KCNJ4: variants seen among roughly 807,000 people sequenced by gnomAD.
The protein encoded by KCNJ4 is potassium inwardly rectifying channel subfamily J member 4.
Under a neutral mutation model 25.6 loss-of-function variants are expected in KCNJ4, and 3 were observed. That is an observed-to-expected ratio of 0.12 (90% CI 0.05 to 0.30). The LOEUF (loss-of-function observed/expected upper bound fraction) is 0.30, where lower values mean the gene tolerates loss of function less well. Among genes scored for constraint, KCNJ4 ranks in the 10% least tolerant of loss-of-function variants. The pLI, the probability that KCNJ4 is intolerant of heterozygous loss-of-function variation, is 1.00. For missense variants in KCNJ4, 286 were observed against 666.8 expected (o/e 0.43, Z 6.29); for synonymous variants, 257 against 283.9 (o/e 0.91, Z 0.95).
At chr22:38,453,833 A>G (rs2089423356) in intron 1 of KCNJ4, among the ~76,000 whole-genome samples, 1 of 152,170 alleles carries the variant, frequency 6.6e-6, no homozygotes, top group South Asian at 2.1e-4. Context: ...AATGGAGTGG[A>G]ATGTTCTAGG....
At chr22:38,448,994 G>T (rs1489387774) in intron 1 of KCNJ4, among the ~76,000 whole-genome samples, 1 of 152,012 alleles carries the variant, frequency 6.6e-6, no homozygotes. Flanking sequence ...GCTCCTGCTG[G>T]GGTCGGGAAC....
In KCNJ4 at chr22:38,441,639, C is replaced by A. The variant is rs141973691; in HGVS notation, c.-40+13341G>T. Among the ~76,000 whole-genome samples, 441 of 152,300 alleles carry A rather than the reference C, an allele frequency of 2.9e-3. 2 individuals carry two copies. The Middle Eastern group carries it at 0.031, about 11-fold the overall frequency. ...ATGCTCGGCTGGCCCCAGCAGGTGC[C>A]CCCTAAAGAAGTGGCGTGGGAGCAG... On this transcript the variant is annotated intron_variant, in intron 1 of 1. Coordinates refer to ENST00000303592, the MANE Select transcript of KCNJ4 (RefSeq NM_152868.3).
At chr22:38,438,866 G>C (rs1453555977) in intron 1 of KCNJ4, among the ~76,000 whole-genome samples, 1 of 152,204 alleles carries the variant, frequency 6.6e-6, no homozygotes, top group African/African-American at 2.4e-5. Flanking sequence ...GTCCCCCTCA[G>C]GGCTGGCGGG....
At chr22:38,445,061 ATGCGTGTGTG>A (rs374551227) in intron 1 of KCNJ4, among the ~76,000 whole-genome samples, 15 of 150,738 alleles carry the variant, frequency 1.0e-4, no homozygotes, top group African/African-American at 2.7e-4. Flanking sequence ...GTGTGCGTGC[ATGCGTGTGTG>A]TGCGTGTGTG....
rs908307964 is a variant in KCNJ4, at chr22:38,429,447, G to A, written c.-39-1276C>T. On this transcript the variant is annotated intron_variant, in intron 1 of 1. Transcript: ENST00000303592. ...GGGGAGACAGGGAGTGGGAGGGGAG[G>A]ACACACCTCGGGCAATTCAGTTCAC... 4.6e-5 allele frequency among the ~76,000 whole-genome samples: 7 copies of A among 152,300 alleles called. No homozygotes were observed. The South Asian group carries it at 1.5e-3, about 32-fold the overall frequency.
chr22:38,450,904 T>G (rs913134026), intron 1 of KCNJ4, among the ~76,000 whole-genome samples: 3 of 152,120 alleles, frequency 2.0e-5, no homozygotes, highest in African/African-American at 7.2e-5. Flanking sequence ...CGTTTTCCAC[T>G]CTTTCCCCAG....
chr22:38,440,085 G>A (rs1405585267), intron 1 of KCNJ4, among the ~76,000 whole-genome samples: 4 of 142,126 alleles, frequency 2.8e-5, no homozygotes, highest in Non-Finnish European at 4.5e-5. Context: ...GTGACAGAGC[G>A]AGACTTCGTC....
intron 1 of KCNJ4, among the ~76,000 whole-genome samples, chr22:38,437,906 C>T (rs956696810): frequency 2.0e-5 from 3 of 152,056 alleles, no homozygotes; most frequent in Non-Finnish European, 4.4e-5. Flanking sequence ...AGTTCCAGAC[C>T]AGCCTGGCCA....
chr22:38,438,686 T>C (rs143759035), intron 1 of KCNJ4, among the ~76,000 whole-genome samples: 190 of 138,106 alleles, frequency 1.4e-3, no homozygotes, highest in African/African-American at 4.9e-3. Context: ...AGAGTCCTTC[T>C]GAAAAAAAAA....
chr22:38,448,998 C>T (rs560397567), intron 1 of KCNJ4, among the ~76,000 whole-genome samples: 11 of 151,006 alleles, frequency 7.3e-5, no homozygotes, highest in African/African-American at 1.2e-4. Context: ...CTGCTGGGGT[C>T]GGGAACACCA....
chr22:38,448,798 C>G (rs196088), intron 1 of KCNJ4, among the ~76,000 whole-genome samples: 35,366 of 152,108 alleles, frequency 0.23, 5,618 homozygotes, highest in African/African-American at 0.45. Context: ...CCAATGCAGC[C>G]GCAGACAGGA....
Position 38,430,022 on chromosome 22 carries a change from C to T in KCNJ4, c.-39-1851G>A, listed in dbSNP as rs1185415448. The stretch of plus-strand genomic sequence containing the variant: ...TCCCAAGAGAAACTCCCTCTCCGGG[C>T]CCAGGGAGAGTGAGCCCTGCCCCCA... On this transcript the variant is annotated intron_variant, in intron 1 of 1. Coordinates refer to ENST00000303592, the MANE Select transcript of KCNJ4 (RefSeq NM_152868.3). 3.3e-5 allele frequency among the ~76,000 whole-genome samples: 5 copies of T among 152,294 alleles called. No homozygotes were observed. In the East Asian group the frequency reaches 9.7e-4, roughly 29 times the overall value.
At chr22:38,450,204 G>A (rs140157309) in intron 1 of KCNJ4, among the ~76,000 whole-genome samples, 40 of 152,306 alleles carry the variant, frequency 2.6e-4, no homozygotes, top group African/African-American at 8.9e-4. Flanking sequence ...GGCTGAGTCC[G>A]CAGAGGAGGC....
At chr22:38,436,507 G>T (rs196074) in intron 1 of KCNJ4, among the ~76,000 whole-genome samples, 1 of 152,058 alleles carries the variant, frequency 6.6e-6, no homozygotes, top group Non-Finnish European at 1.5e-5. Context: ...GGTGAAAGGA[G>T]CATCGCAGTG....
chr22:38,431,960 T>C (rs1329873692), intron 1 of KCNJ4, among the ~76,000 whole-genome samples: 1 of 151,634 alleles, frequency 6.6e-6, no homozygotes, highest in Non-Finnish European at 1.5e-5. Flanking sequence ...TGTTTTTTTT[T>C]TTTTAAAGGG....
intron 1 of KCNJ4, among the ~76,000 whole-genome samples, chr22:38,428,685 T>G (rs992817504): frequency 1.3e-5 from 2 of 152,016 alleles, no homozygotes; most frequent in African/African-American, 4.8e-5. Context: ...AATAAAATAT[T>G]AACTGCAGCT....
chr22:38,452,023 G>C lies in KCNJ4; in HGVS notation c.-40+2957C>G, dbSNP rs1003215905. On this transcript the variant is annotated intron_variant, in intron 1 of 1. Transcript: ENST00000303592. ...GGCCTTATCTCTACTCCTGTCTCCT[G>C]CTTTCATAGCTGTTGCCTTTGAGGA... 7.9e-5 allele frequency among the ~76,000 whole-genome samples: 12 copies of C among 152,290 alleles called. No individual in the cohort carries two copies. In the East Asian group the frequency reaches 2.3e-3, roughly 29 times the overall value.
At chr22:38,446,854 G>A (rs2016837491) in intron 1 of KCNJ4, among the ~76,000 whole-genome samples, 1 of 151,980 alleles carries the variant, frequency 6.6e-6, no homozygotes, top group African/African-American at 2.4e-5. Context: ...TACTTGGGAG[G>A]CTGAGGCCAG....
chr22:38,452,228 C>T (rs564795270), intron 1 of KCNJ4, among the ~76,000 whole-genome samples: 11 of 152,202 alleles, frequency 7.2e-5, no homozygotes, highest in Admixed American at 2.0e-4. Flanking sequence ...GCCAGCCGTT[C>T]TCTATACAGA....
Sources: allele counts gnomAD v4.1 joint callset (sites outside exome capture counted in the v4.1 genomes callset), GRCh38; gene constraint gnomAD v4.1.1; transcripts MANE v1.5; gene names NCBI Gene and HGNC (gene_info 2026-07-23, HGNC 2026-07-21).